Variants in MTR observed in about 807,000 individuals in gnomAD.
MTR encodes the protein 5-methyltetrahydrofolate-homocysteine methyltransferase, also known as methionine synthase.
Under a neutral mutation model 154.8 loss-of-function variants are expected in MTR, and 84 were observed. The ratio of observed to expected loss-of-function variants is 0.54; its 90% CI spans 0.45 to 0.65. The LOEUF is 0.65. Ranked by LOEUF, MTR falls within the 30% of genes least tolerant of loss-of-function variation. The probability of loss-of-function intolerance (pLI) is 0.00; values close to 1 mark genes in which losing one functional copy is unlikely to be tolerated. For missense variants in MTR, 1,275 were observed against 1,570.2 expected (o/e 0.81, Z 3.18); for synonymous variants, 554 against 553.9 (o/e 1.00, Z 0.00).
chr1:236,883,950 T>C (rs189452809), intron 25 of MTR, among the ~76,000 whole-genome samples: 84 of 152,326 alleles, frequency 5.5e-4, no homozygotes, highest in Non-Finnish European at 1.1e-3. Flanking sequence ...GGCAGTGCTA[T>C]GTTTATTTTT....
At chr1:236,865,323 G>T (rs1206931676) in intron 22 of MTR, among the ~76,000 whole-genome samples, 2 of 152,186 alleles carry the variant, frequency 1.3e-5, no homozygotes, top group African/African-American at 2.4e-5. Context: ...CACTCCTTTG[G>T]CTTGTGTGTG....
intron 1 of MTR, among the ~76,000 whole-genome samples, chr1:236,798,036 C>T (rs949090524): frequency 1.3e-5 from 2 of 151,530 alleles, no homozygotes; most frequent in African/African-American, 4.9e-5. Context: ...AATTAGAGAT[C>T]CAAAAATGAA....
At chr1:236,886,209 A>G (rs933526180) in intron 26 of MTR, 83 bp from the exon 27 acceptor site, 3 of 1,098,068 alleles carry the variant, frequency 2.7e-6, no homozygotes, top group East Asian at 4.8e-5. Flanking sequence ...CAAAGCTTAC[A>G]TACTGGCCTT....
Position 236,795,347 on chromosome 1 carries a change from T to C in MTR, c.-357T>C, listed in dbSNP as rs1178493598. The C allele has an allele frequency of 1.7e-5, 22 of 1,327,966 alleles. No individual in the cohort carries two copies. The highest frequency in any genetic ancestry group is 1.8e-5 in the Non-Finnish European group (18 of 1,015,424). The allele number at this position is 1,327,966 out of a possible 1,614,324, so 82.3% of individuals were successfully genotyped here. On this transcript the variant is annotated 5_prime_UTR_variant, in exon 1 of 33. Transcript: ENST00000366577. Reference sequence around the variant, plus strand: ...TGTCTGCGGGGCTCAGAGCCGGATGTCACGTCGTCCTCCTCTGCCGGTTTT... The same window carrying C: ...TGTCTGCGGGGCTCAGAGCCGGATGCCACGTCGTCCTCCTCTGCCGGTTTT...
chr1:236,820,193 G>T (rs1661846657), intron 8 of MTR: 8 of 761,024 alleles, frequency 1.1e-5, no homozygotes, highest in South Asian at 8.1e-5. Context: ...CACATGCGTG[G>T]CACCATTTCC....
At chr1:236,876,068 T>C (rs1665415564) in intron 24 of MTR, among the ~76,000 whole-genome samples, 1 of 152,216 alleles carries the variant, frequency 6.6e-6, no homozygotes, top group Non-Finnish European at 1.5e-5. Flanking sequence ...TGGAGGATAA[T>C]GTGCTTTACT....
intron 29 of MTR, 74 bp from the exon 30 acceptor site, chr1:236,894,283 G>T (rs1572347194): frequency 7.1e-7 from 1 of 1,408,162 alleles, no homozygotes; most frequent in East Asian, 2.3e-5. Flanking sequence ...ATACCCGATT[G>T]CTCTTCATGG....
intron 22 of MTR, among the ~76,000 whole-genome samples, chr1:236,870,113 G>T (rs775610661): frequency 5.3e-5 from 8 of 152,202 alleles, no homozygotes; most frequent in Non-Finnish European, 1.2e-4. Flanking sequence ...GGGTTGACCA[G>T]GGCTGTGAGC....
intron 8 of MTR, chr1:236,820,232 A>G (rs61831809): frequency 0.39 from 290,488 of 753,082 alleles, 57,950 homozygotes; most frequent in East Asian, 0.46. Flanking sequence ...GTCATGCCTG[A>G]TCTCTGCTTG....
At chr1:236,888,757 C>T (rs1666156671) in intron 27 of MTR, among the ~76,000 whole-genome samples, 1 of 152,200 alleles carries the variant, frequency 6.6e-6, no homozygotes, top group South Asian at 2.1e-4. Flanking sequence ...TGTCAGTAGA[C>T]AATCTAGATG....
intron 6 of MTR, among the ~76,000 whole-genome samples, chr1:236,813,625 T>C (rs913520792): frequency 6.6e-6 from 1 of 152,226 alleles, no homozygotes; most frequent in Non-Finnish European, 1.5e-5. Context: ...TTACTACTAA[T>C]GTAATTGAGC....
In MTR at chr1:236,899,529, AG is replaced by A. The variant is rs1666831479; in HGVS notation, c.*1888del. On this transcript the variant is annotated 3_prime_UTR_variant, in exon 33 of 33. Transcript: ENST00000366577. ...CTGGTGATAAGTTCCAAATATGTTA[AG>A]GGCTTTAATACAAAAAGCAAAAATT... 2 of 152,358 alleles carry A rather than the reference AG, an allele frequency of 1.3e-5. No individual in the cohort carries two copies. The highest frequency in any genetic ancestry group is 4.8e-5 in the African/African-American group (2 of 41,592). The allele number at this position is 152,358 out of a possible 1,614,324, so 9.4% of individuals were successfully genotyped here. A position where few individuals can be genotyped will look rare whatever the true frequency, so the allele number is the denominator to read the frequency against.
Position 236,820,454 on chromosome 1 carries a change from A to G in MTR, c.765-3665A>G, listed in dbSNP as rs1661864038. ...ACTGGAGCACTCAGCCTGCCACGGA[A>G]GACTGGTCTGCAGCTCCCACTGCTC... On this transcript the variant is annotated intron_variant, in intron 8 of 32. Transcript: ENST00000366577. 2.1e-6 allele frequency: 3 copies of G among 1,403,248 alleles called. No individual in the cohort carries two copies. The East Asian group carries it at 6.9e-5, about 32-fold the overall frequency. The allele number at this position is 1,403,248 out of a possible 1,614,324, so 86.9% of individuals were successfully genotyped here.
intron 18 of MTR, among the ~76,000 whole-genome samples, chr1:236,856,673 C>T (rs911677336): frequency 1.3e-5 from 2 of 152,090 alleles, no homozygotes; most frequent in African/African-American, 4.8e-5. Flanking sequence ...AATGCTATCC[C>T]TTCCCTAGCT....
intron 29 of MTR, 145 bp from the exon 30 acceptor site, chr1:236,894,212 A>T: frequency 2.7e-6 from 2 of 729,110 alleles, no homozygotes; most frequent in Non-Finnish European, 4.9e-6. Context: ...AGTACTGGGG[A>T]TGTAACAGTG....
intron 15 of MTR, among the ~76,000 whole-genome samples, chr1:236,849,186 A>G (rs1023562191): frequency 1.3e-5 from 2 of 152,348 alleles, no homozygotes; most frequent in Admixed American, 6.5e-5. Context: ...GACAGTTTCC[A>G]TGACAAAGTT....
chr1:236,873,431 G>T (rs1665250815), intron 22 of MTR, among the ~76,000 whole-genome samples: 1 of 152,108 alleles, frequency 6.6e-6, no homozygotes. Context: ...TTGAAAAATG[G>T]TTAAAATGGA....
chr1:236,849,477 A>C (rs368056471), intron 15 of MTR, among the ~76,000 whole-genome samples: 5 of 152,346 alleles, frequency 3.3e-5, no homozygotes, highest in African/African-American at 1.2e-4. Flanking sequence ...AAAAGGGGGC[A>C]CTTGGGCAGA....
rs1281726779 is a variant in MTR at position 236,900,214 on chromosome 1, T to C, written c.*2570T>C. On this transcript the variant is annotated 3_prime_UTR_variant, in exon 33 of 33. Coordinates refer to ENST00000366577, the MANE Select transcript of MTR (RefSeq NM_000254.3). The stretch of plus-strand genomic sequence containing the variant: ...AATAATTAGATATATATATTCATTC[T>C]ACGGGATATTATTCAGTAGTGGAAA... The C allele has an allele frequency of 2.7e-6, 1 of 366,128 alleles. No homozygotes were observed. The highest frequency in any genetic ancestry group is 5.5e-6 in the Non-Finnish European group (1 of 182,394). 22.7% of individuals were successfully genotyped at this position (366,128 alleles called of 1,614,324 possible).
Sources: allele counts gnomAD v4.1 joint callset (sites outside exome capture counted in the v4.1 genomes callset), GRCh38; gene constraint gnomAD v4.1.1; transcripts MANE v1.5; gene names NCBI Gene and HGNC (gene_info 2026-07-23, HGNC 2026-07-21).